The following WDR20 variants were observed in gnomAD, a reference collection of about 807,000 sequenced individuals.
The protein encoded by WDR20 is WD repeat domain 20, also known as WD repeat-containing protein 20.
A neutral mutation model predicts 38.7 loss-of-function variants in WDR20; 3 were observed. The ratio of observed to expected loss-of-function variants is 0.08; its 90% confidence interval spans 0.04 to 0.20. The LOEUF is 0.20. Among genes scored for constraint, WDR20 ranks in the 10% least tolerant of loss-of-function variants. The pLI is 1.00. For missense variants in WDR20, 559 were observed against 727.7 expected (o/e 0.77, Z 2.67); for synonymous variants, 298 against 285.6 (o/e 1.04, Z -0.44).
rs2062013206 is a variant in WDR20, at chr14:102,208,728, A to G, written c.558A>G (p.Thr186=). ...ATGTGGAGCACACTTGTGGCACCAC[A>G]GCCCCCCACTACCAGCTTCTGAAGC... ...LYNVEHTCGT[T]APHYQLLKQG... is the part of the protein sequence containing the mutation. The change falls in exon 3 of 3, where the codon ACA becomes ACG. Residue 186 remains threonine (T), a synonymous_variant. Coordinates refer to ENST00000342702, the MANE Select transcript of WDR20 (RefSeq NM_144574.4). This position sits in a 1 kb window ranked among gnomAD's most constrained non-coding sequence, Gnocchi z 5.6. The G allele has an allele frequency of 4.3e-6, 7 of 1,614,196 alleles. No individual in the cohort carries two copies. Among genetic ancestry groups the G allele is most frequent in the Non-Finnish European group, 5.9e-6 (7 of 1,180,022 alleles).
intron 1 of WDR20, among the ~76,000 whole-genome samples, chr14:102,186,807 C>T (rs1022653760): frequency 2.0e-5 from 3 of 151,736 alleles, no homozygotes; most frequent in Admixed American, 1.3e-4. Context: ...AAAAATTAGC[C>T]GGGGTGGTGG....
intron 1 of WDR20, among the ~76,000 whole-genome samples, chr14:102,166,524 A>G (rs1042883562): frequency 1.3e-5 from 2 of 152,132 alleles, no homozygotes; most frequent in East Asian, 1.9e-4. Flanking sequence ...CCTCTTATTT[A>G]TCAGTTTCTG....
chr14:102,139,749 C>G (rs138455240), upstream of WDR20: 1 of 957,964 alleles, frequency 1.0e-6, no homozygotes, highest in Non-Finnish European at 1.5e-6. Flanking sequence ...CCTGCGCAGT[C>G]GGGCCGTAAA....
At chr14:102,223,353 C>T (rs568796313) in exon 4 of WDR20, 2 of 152,698 alleles carry the variant, frequency 1.3e-5, no homozygotes, top group East Asian at 1.9e-4. Flanking sequence ...TAATGTAATT[C>T]AGGAAGACAG....
intron 1 of WDR20, among the ~76,000 whole-genome samples, chr14:102,152,418 CTCT>C (rs1183856246): frequency 9.1e-5 from 7 of 77,264 alleles, no homozygotes; most frequent in East Asian, 1.0e-3. Flanking sequence ...TGCAGGGTCT[CTCT>C]TTTTTTTTTT....
chr14:102,174,272 C>A (rs533487283), intron 1 of WDR20, among the ~76,000 whole-genome samples: 1 of 152,118 alleles, frequency 6.6e-6, no homozygotes, highest in South Asian at 2.1e-4. Flanking sequence ...GGTGGGATTG[C>A]TGGATCAAAT....
At chr14:102,200,467 T>TGTGTGTGTGTGTGTG (rs1555400555) in intron 2 of WDR20, among the ~76,000 whole-genome samples, 1 of 117,686 alleles carries the variant, frequency 8.5e-6, no homozygotes, top group African/African-American at 3.1e-5. Flanking sequence ...ATTTTTTTTT[T>TGTGTGTGTGTGTGTG]TGTGTGTGTG....
At chr14:102,181,537 CT>C (rs1443685636) in intron 1 of WDR20, among the ~76,000 whole-genome samples, 1 of 151,878 alleles carries the variant, frequency 6.6e-6, no homozygotes, top group Non-Finnish European at 1.5e-5. Flanking sequence ...GCCACTCCAG[CT>C]TTATCTATTA....
intron 1 of WDR20, among the ~76,000 whole-genome samples, chr14:102,143,145 T>C (rs1211596142): frequency 6.6e-6 from 1 of 152,158 alleles, no homozygotes; most frequent in African/African-American, 2.4e-5. Flanking sequence ...CCTGTTAGAA[T>C]TTTTTCTCAT....
At chr14:102,151,302 G>T (rs1298422628) in intron 1 of WDR20, among the ~76,000 whole-genome samples, 5 of 150,326 alleles carry the variant, frequency 3.3e-5, no homozygotes, top group Non-Finnish European at 7.4e-5. Context: ...GAGCTTTTCT[G>T]TCAAAAAACG....
At chr14:102,156,487 A>G (rs2057420879) in intron 1 of WDR20, among the ~76,000 whole-genome samples, 1 of 151,990 alleles carries the variant, frequency 6.6e-6, no homozygotes, top group Non-Finnish European at 1.5e-5. Flanking sequence ...CTTGTTATTC[A>G]ATATGTAATT....
At chr14:102,188,568 G>T (rs916947055) in intron 1 of WDR20, among the ~76,000 whole-genome samples, 6 of 152,032 alleles carry the variant, frequency 3.9e-5, no homozygotes, top group African/African-American at 1.2e-4. Flanking sequence ...CAGTAGTATT[G>T]TTCCAGAAAA....
At chr14:102,194,554 T>C (rs1433023508) in intron 1 of WDR20, among the ~76,000 whole-genome samples, 2 of 152,244 alleles carry the variant, frequency 1.3e-5, no homozygotes, top group Non-Finnish European at 2.9e-5. Flanking sequence ...ATGTAGGTGC[T>C]GTAGATACAT....
chr14:102,173,011 T>TG (rs1218378151), intron 1 of WDR20, among the ~76,000 whole-genome samples: 3 of 133,212 alleles, frequency 2.3e-5, no homozygotes, highest in Non-Finnish European at 4.9e-5. Flanking sequence ...TCTCAGACGA[T>TG]GGGCGGCCGG....
At position 102,168,609 on chromosome 14, in the gene WDR20, A is replaced by G. The variant is rs529339322; in HGVS notation, c.250-26329A>G. ...GCATTGCTTTTTTTTGATGGTGTTC[A>G]TAACCTGTTTTAGAGTAGTTGAACT... On this transcript the variant is annotated intron_variant, in intron 1 of 2. Coordinates refer to ENST00000342702, the MANE Select transcript of WDR20 (RefSeq NM_144574.4). 1.6e-3 allele frequency among the ~76,000 whole-genome samples: 240 copies of G among 152,282 alleles called. 1 individual carries two copies. Among genetic ancestry groups the G allele is most frequent in the Non-Finnish European group, 2.7e-3 (181 of 68,014 alleles).
intron 1 of WDR20, among the ~76,000 whole-genome samples, chr14:102,173,433 AATTATTATTATTATTATTATT>A (rs59078063): frequency 0.035 from 4,857 of 138,866 alleles, 243 homozygotes; most frequent in African/African-American, 0.11. Flanking sequence ...CTTTTTTTAA[AATTATTATTATTATTATTATT>A]ATTATTATTA....
intron 1 of WDR20, among the ~76,000 whole-genome samples, chr14:102,149,157 C>A (rs1016964320): frequency 6.6e-6 from 1 of 152,092 alleles, no homozygotes; most frequent in Non-Finnish European, 1.5e-5. Flanking sequence ...GTGAGACTCT[C>A]TCAAAACAAA....
At chr14:102,178,001 C>T (rs2152861344) in intron 1 of WDR20, among the ~76,000 whole-genome samples, 1 of 152,300 alleles carries the variant, frequency 6.6e-6, no homozygotes, top group Middle Eastern at 3.4e-3. Flanking sequence ...TTTCACCAGT[C>T]CTGAAGGATC....
At chr14:102,202,086 C>T (rs2060496813) in intron 2 of WDR20, among the ~76,000 whole-genome samples, 1 of 151,852 alleles carries the variant, frequency 6.6e-6, no homozygotes, top group Non-Finnish European at 1.5e-5. Flanking sequence ...CTTCCTCCAC[C>T]AGGCACCTGC....
Sources: gnomAD v4.1 joint callset for allele counts (sites outside exome capture counted in the v4.1 genomes callset) on GRCh38, gnomAD v4.1.1 for gene constraint, Gnocchi (gnomAD v3.1) non-coding constraint, MANE v1.5 for transcripts, NCBI Gene and HGNC (gene_info 2026-07-23, HGNC 2026-07-21) for gene names.